The following PRIM2 variants were observed in gnomAD, a reference collection of about 807,000 sequenced individuals.
The protein encoded by PRIM2 is DNA primase large subunit.
Under a neutral mutation model 67.3 loss-of-function variants are expected in PRIM2, and 39 were observed. The observed-to-expected ratio is 0.58, with a 90% confidence interval of 0.45 to 0.76. The LOEUF is 0.76. Ranked by LOEUF, PRIM2 falls within the 30% of genes least tolerant of loss-of-function variation. The probability of loss-of-function intolerance (pLI) is 0.00; values close to 1 mark genes in which losing one functional copy is unlikely to be tolerated. For synonymous variants in PRIM2, 143 were observed against 198.7 expected, an observed-to-expected ratio of 0.72 and a Z score of 2.36; for missense variants, 398 against 598.7, an observed-to-expected ratio of 0.66 and a Z score of 3.50.
intron 5 of PRIM2, among the ~76,000 whole-genome samples, chr6:57,374,318 G>C (rs1769674959): frequency 1.2e-5 from 1 of 82,642 alleles, no homozygotes; most frequent in African/African-American, 4.5e-5. Context: ...TTTTGAGACG[G>C]AGTTTCGCTC....
chr6:57,352,141 CTG>C (rs991604149), intron 5 of PRIM2, among the ~76,000 whole-genome samples: 3 of 152,218 alleles, frequency 2.0e-5, no homozygotes, highest in African/African-American at 7.2e-5. Flanking sequence ...CAAGTTAAAA[CTG>C]TTTGGTTTTT....
chr6:57,339,434 C>T (rs1768390317), intron 5 of PRIM2, among the ~76,000 whole-genome samples: 1 of 152,078 alleles, frequency 6.6e-6, no homozygotes, highest in South Asian at 2.1e-4. Context: ...CTGGAGGCAG[C>T]ACACTACCTG....
At chr6:57,325,800 T>C (rs1767830820) in intron 4 of PRIM2, 125 bp from the exon 5 acceptor site, 1 of 880,988 alleles carries the variant, frequency 1.1e-6, no homozygotes, top group South Asian at 1.7e-5. Flanking sequence ...ATAGAGGACT[T>C]GCATGTTTTT....
At chr6:57,469,550 A>G (rs1773287832) in intron 7 of PRIM2, among the ~76,000 whole-genome samples, 1 of 152,234 alleles carries the variant, frequency 6.6e-6, no homozygotes, top group Non-Finnish European at 1.5e-5. Flanking sequence ...AGTCAAATAT[A>G]TGACTTATTG....
intron 10 of PRIM2, among the ~76,000 whole-genome samples, chr6:57,552,113 T>C (rs1466926849): frequency 2.0e-5 from 3 of 152,056 alleles, no homozygotes; most frequent in Non-Finnish European, 1.5e-5. Context: ...AGTCAGTGGG[T>C]TCGGGGAAGA....
At chr6:57,530,548 G>C (rs1240659125) in intron 8 of PRIM2, among the ~76,000 whole-genome samples, 18 of 152,134 alleles carry the variant, frequency 1.2e-4, no homozygotes, top group Admixed American at 1.3e-4. Flanking sequence ...TCCTGAATCT[G>C]CTTCTTCTTA....
the PRIM2 span, among the ~76,000 whole-genome samples, chr6:57,259,868 C>A: frequency 1.3e-4 from 20 of 152,292 alleles, no homozygotes; most frequent in African/African-American, 4.6e-4. Flanking sequence ...CTATGGTCAA[C>A]CCACATTCAA....
intron 7 of PRIM2, among the ~76,000 whole-genome samples, chr6:57,436,948 T>C (rs1409119329): frequency 1.2e-4 from 18 of 152,212 alleles, no homozygotes. Flanking sequence ...TATTAGTCCA[T>C]TCTTGCATTG....
At chr6:57,498,932 A>C (rs1774068197) in intron 7 of PRIM2, among the ~76,000 whole-genome samples, 2 of 152,206 alleles carry the variant, frequency 1.3e-5, no homozygotes, top group South Asian at 2.1e-4. Flanking sequence ...TTTGAAAAAG[A>C]AAATCATGAA....
chr6:57,503,087 C>T (rs2127458285), intron 7 of PRIM2, among the ~76,000 whole-genome samples: 1 of 152,154 alleles, frequency 6.6e-6, no homozygotes, highest in East Asian at 1.9e-4. Flanking sequence ...ATGGGTAAAC[C>T]TTACATTCAC....
At chr6:57,294,054 A>T in the PRIM2 span, among the ~76,000 whole-genome samples, 2 of 152,190 alleles carry the variant, frequency 1.3e-5, no homozygotes, top group African/African-American at 2.4e-5. Context: ...ATTAGAAATT[A>T]GTTAAATATA....
chr6:57,362,496 A>T (rs1288544298), intron 5 of PRIM2, among the ~76,000 whole-genome samples: 1 of 151,982 alleles, frequency 6.6e-6, no homozygotes, highest in African/African-American at 2.4e-5. Flanking sequence ...TGCTACTGTT[A>T]GCTGCTTGGC....
chr6:57,562,139 A>G (rs1392599898), intron 10 of PRIM2, among the ~76,000 whole-genome samples: 2 of 152,156 alleles, frequency 1.3e-5, no homozygotes, highest in African/African-American at 4.8e-5. Context: ...CATTAGTAAC[A>G]TCAAAGATCA....
intron 10 of PRIM2, among the ~76,000 whole-genome samples, chr6:57,568,942 A>G (rs1430608364): frequency 6.6e-5 from 10 of 152,182 alleles, no homozygotes; most frequent in Non-Finnish European, 1.5e-4. Flanking sequence ...GAAAGAAAGA[A>G]TGCCTGCTTT....
intron 10 of PRIM2, among the ~76,000 whole-genome samples, chr6:57,589,957 C>G (rs1776258250): frequency 6.6e-6 from 1 of 152,060 alleles, no homozygotes; most frequent in African/African-American, 2.4e-5. Context: ...TCCCAGGAGA[C>G]AAAGATCCAG....
At chr6:57,435,718 A>G (rs1161937542) in intron 7 of PRIM2, among the ~76,000 whole-genome samples, 1 of 152,152 alleles carries the variant, frequency 6.6e-6, no homozygotes, top group Non-Finnish European at 1.5e-5. Context: ...TGCCACATTG[A>G]GGCCATCTAT....
At chr6:57,227,807 G>A in the PRIM2 span, among the ~76,000 whole-genome samples, 1 of 152,050 alleles carries the variant, frequency 6.6e-6, no homozygotes, top group East Asian at 1.9e-4. Context: ...CTCTTAATGG[G>A]CAGTTATGAA....
intron 7 of PRIM2, among the ~76,000 whole-genome samples, chr6:57,384,446 A>C (rs1770066667): frequency 6.6e-6 from 1 of 152,154 alleles, no homozygotes; most frequent in Admixed American, 6.6e-5. Flanking sequence ...GTGTGACCTC[A>C]TTGTAACTAA....
the PRIM2 span, among the ~76,000 whole-genome samples, chr6:57,280,952 C>T: frequency 6.6e-6 from 1 of 152,142 alleles, no homozygotes; most frequent in African/African-American, 2.4e-5. Context: ...CTTCCCCCAT[C>T]CCTCCTGGCC....
Sources: allele counts gnomAD v4.1 joint callset (sites outside exome capture counted in the v4.1 genomes callset), GRCh38; gene constraint gnomAD v4.1.1; transcripts MANE v1.5; gene names NCBI Gene and HGNC (gene_info 2026-07-23, HGNC 2026-07-21).